The following PI4KA variants were observed in gnomAD, a reference collection of about 807,000 sequenced individuals.
PI4KA encodes PI4-kinase alpha.
PI4KA carries 122 observed loss-of-function variants against 271.4 expected under a neutral mutation model. That is an observed-to-expected ratio of 0.45 (90% confidence interval 0.39 to 0.52). The LOEUF (loss-of-function observed/expected upper bound fraction) is 0.52, where lower values mean the gene tolerates loss of function less well. Ranked by LOEUF, PI4KA falls within the 20% of genes least tolerant of loss-of-function variation. The pLI is 0.00. For synonymous variants in PI4KA, 1,041 were observed against 1,078.8 expected (o/e 0.96, Z 0.69); for missense variants, 1,969 against 2,769.1 (o/e 0.71, Z 6.48).
In PI4KA at chr22:20,797,710, G is replaced by C. The variant is rs147808021; in HGVS notation, c.2108+874C>G. Among the ~76,000 whole-genome samples, 893 of 152,302 alleles carry C rather than the reference G, an allele frequency of 5.9e-3. 7 individuals are homozygous for C. Among genetic ancestry groups the C allele is most frequent in the East Asian group, 0.055 (284 of 5,172 alleles). On this transcript the variant is annotated intron_variant, in intron 17 of 54. Transcript: ENST00000255882. ...GCAGATGAGGAAACTGAGGCACAGAGGTTCAGCATTTTCTGAGGTCATGCA... is the reference window on the plus strand; with the variant it reads ...GCAGATGAGGAAACTGAGGCACAGACGTTCAGCATTTTCTGAGGTCATGCA...
chr22:20,747,720 C>G lies in PI4KA; in HGVS notation c.3244-18G>C, dbSNP rs2147311528. On this transcript the variant is annotated intron_variant, in intron 28 of 54. Transcript: ENST00000255882. Reference sequence around the variant, plus strand: ...AGATATTCCTGAAATAGGAAAAACACATGGGGTTTCAGTTATTTATCTGAT... The same window carrying G: ...AGATATTCCTGAAATAGGAAAAACAGATGGGGTTTCAGTTATTTATCTGAT... The G allele has an allele frequency of 6.2e-7, 1 of 1,609,514 alleles. No homozygotes were observed. The highest frequency in any genetic ancestry group is 8.5e-7 in the Non-Finnish European group (1 of 1,176,352).
chr22:20,830,259 T>C (rs576508567), intron 3 of PI4KA, among the ~76,000 whole-genome samples: 2 of 152,354 alleles, frequency 1.3e-5, no homozygotes, highest in East Asian at 3.9e-4. Context: ...AGTTATTATG[T>C]GGTTACCTAA....
intron 45 of PI4KA, among the ~76,000 whole-genome samples, chr22:20,715,767 C>A (rs1925919318): frequency 6.6e-6 from 1 of 152,232 alleles, no homozygotes; most frequent in Admixed American, 6.5e-5. Flanking sequence ...AGCCACCGCG[C>A]CCGGCCAACA....
At chr22:20,777,858 C>T (rs1217728507) in intron 19 of PI4KA, among the ~76,000 whole-genome samples, 1 of 152,188 alleles carries the variant, frequency 6.6e-6, no homozygotes, top group Non-Finnish European at 1.5e-5. Context: ...GTCAGATCCT[C>T]CTCTGAACGA....
At chr22:20,823,819 T>C (rs1339294950) in intron 4 of PI4KA, among the ~76,000 whole-genome samples, 1 of 152,154 alleles carries the variant, frequency 6.6e-6, no homozygotes, top group Non-Finnish European at 1.5e-5. Context: ...TGCACGCCTA[T>C]AGTCTCAGCT....
At chr22:20,815,655 A>C (rs1472273740) in intron 7 of PI4KA, among the ~76,000 whole-genome samples, 2 of 152,152 alleles carry the variant, frequency 1.3e-5, no homozygotes, top group Non-Finnish European at 2.9e-5. Context: ...GGGCAACAAT[A>C]CCACTGGGAG....
intron 26 of PI4KA, 140 bp from the exon 27 acceptor site, chr22:20,751,516 T>C: frequency 1.1e-6 from 1 of 927,920 alleles, no homozygotes; most frequent in Non-Finnish European, 1.7e-6. Flanking sequence ...AAACACCAGG[T>C]GGATTTGGGC....
At chr22:20,819,503 C>T (rs990731911) in intron 6 of PI4KA, 138 bp downstream of exon 6, 19 of 785,864 alleles carry the variant, frequency 2.4e-5, no homozygotes, top group South Asian at 5.3e-5. Context: ...CAAGACAAGT[C>T]TTTGTATTAA....
chr22:20,803,102 C>G, intron 13 of PI4KA, 89 bp downstream of exon 13: 1 of 1,359,232 alleles, frequency 7.4e-7, no homozygotes, highest in Non-Finnish European at 1.0e-6. Context: ...AGGAATGCAC[C>G]CAGGTACAGT....
chr22:20,735,373 G>A (rs1329917978), intron 32 of PI4KA, among the ~76,000 whole-genome samples: 190 of 149,016 alleles, frequency 1.3e-3, no homozygotes, highest in African/African-American at 4.5e-3. Flanking sequence ...AGGTGGCAAC[G>A]AGGCCTAGTG....
At chr22:20,791,528 G>T (rs532225317) in intron 19 of PI4KA, among the ~76,000 whole-genome samples, 1 of 152,094 alleles carries the variant, frequency 6.6e-6, no homozygotes, top group African/African-American at 2.4e-5. Flanking sequence ...GGCTGAAGTG[G>T]GGCAGATCAC....
At chr22:20,779,351 C>G (rs370999735) in intron 19 of PI4KA, 1 of 1,614,212 alleles carries the variant, frequency 6.2e-7, no homozygotes, top group Non-Finnish European at 8.5e-7. Context: ...TTTTCCTCAT[C>G]ATAACATCTG....
chr22:20,799,382 G>T, intron 15 of PI4KA, 106 bp from the exon 16 acceptor site: 1 of 1,083,470 alleles, frequency 9.2e-7, no homozygotes, highest in South Asian at 1.7e-5. Context: ...TAACAGTCTT[G>T]ATGCAGTGTT....
intron 43 of PI4KA, 66 bp downstream of exon 43, chr22:20,721,232 T>G: frequency 6.4e-7 from 1 of 1,567,148 alleles, no homozygotes; most frequent in South Asian, 1.1e-5. Flanking sequence ...CCCTGGGGGC[T>G]GTAGAAGGTG....
chr22:20,835,992 C>T (rs1016191098), intron 2 of PI4KA, among the ~76,000 whole-genome samples: 20 of 152,022 alleles, frequency 1.3e-4, no homozygotes, highest in African/African-American at 4.6e-4. Flanking sequence ...GCGGAGCTTG[C>T]AGTGAGCCTA....
chr22:20,773,015 C>T (rs535964770), intron 19 of PI4KA, among the ~76,000 whole-genome samples: 3 of 151,928 alleles, frequency 2.0e-5, no homozygotes, highest in Admixed American at 6.6e-5. Context: ...TGCTTCAGCT[C>T]GGGAGGTTGA....
At chr22:20,729,740 G>C (rs1927790957) in intron 37 of PI4KA, 29 bp from the exon 38 acceptor site, 1 of 1,576,404 alleles carries the variant, frequency 6.3e-7, no homozygotes, top group African/African-American at 1.3e-5. Flanking sequence ...CACAGGTGTA[G>C]TCCTCAGATG....
rs1933628452 is a variant in PI4KA, at chr22:20,779,896, T to C, written c.2328+13297A>G. On this transcript the variant is annotated intron_variant, in intron 19 of 54. Coordinates refer to ENST00000255882, the MANE Select transcript of PI4KA (RefSeq NM_058004.4). ...GTTAATGCCAGCAGCAAGTATGAAA[T>C]CACGACCATTCATAATCTCTTCCGT... is the stretch of plus-strand genomic sequence containing the variant. 6.2e-7 allele frequency: 1 copy of C among 1,614,252 alleles called. No individual in the cohort carries two copies. Among genetic ancestry groups the C allele is most frequent in the Non-Finnish European group, 8.5e-7 (1 of 1,180,056 alleles).
At chr22:20,731,078 C>T (rs1927986903) in intron 36 of PI4KA, among the ~76,000 whole-genome samples, 1 of 152,058 alleles carries the variant, frequency 6.6e-6, no homozygotes, top group Admixed American at 6.5e-5. Flanking sequence ...GCTTGTGAGG[C>T]TGGGGTGGGA....
Sources: gnomAD v4.1 joint callset for allele counts (sites outside exome capture counted in the v4.1 genomes callset) on GRCh38, gnomAD v4.1.1 for gene constraint, MANE v1.5 for transcripts, NCBI Gene and HGNC (gene_info 2026-07-23, HGNC 2026-07-21) for gene names.